DIRAS1: variants seen among roughly 807,000 people sequenced by gnomAD.
DIRAS1 encodes the protein DIRAS family GTPase 1, also known as GTP-binding protein Di-Ras1.
A neutral mutation model predicts 11.5 loss-of-function variants in DIRAS1; 3 were observed. That is an observed-to-expected ratio of 0.26 (90% CI 0.12 to 0.67). DIRAS1 has a LOEUF of 0.67. DIRAS1 is among the 30% of genes least tolerant of loss of function. The pLI is 0.80. For missense variants in DIRAS1, 212 were observed against 285.3 expected (o/e 0.74, Z 1.85); for synonymous variants, 128 against 125.8 (o/e 1.02, Z -0.12).
intron 1 of DIRAS1, among the ~76,000 whole-genome samples, chr19:2,719,780 G>A (rs1303493109): frequency 6.6e-6 from 1 of 152,134 alleles, no homozygotes; most frequent in Non-Finnish European, 1.5e-5. Context: ...TGTGAAATGC[G>A]AGCCACTGTT....
At position 2,715,025 on chromosome 19, in the gene DIRAS1, C is replaced by G. The variant is rs1335876061; in HGVS notation, c.*2185G>C. 6.6e-6 allele frequency: 1 copy of G among 152,548 alleles called. No individual in the cohort carries two copies. The highest frequency in any genetic ancestry group is 1.5e-5 in the Non-Finnish European group (1 of 68,114). 9.4% of individuals were successfully genotyped at this position (152,548 alleles called of 1,614,324 possible). A position where few individuals can be genotyped will look rare whatever the true frequency, so the allele number is the denominator to read the frequency against. On this transcript the variant is annotated 3_prime_UTR_variant, in exon 2 of 2. Transcript: ENST00000323469. ...GCCCAAGTTTTGGGGGGACCCAGCT[C>G]TGCTCAGACACAATGCCAGCTCTTC...
At chr19:2,719,007 G>A (rs1913892720) in intron 1 of DIRAS1, 1 of 152,080 alleles carries the variant, frequency 6.6e-6, no homozygotes, top group Non-Finnish European at 1.5e-5. Flanking sequence ...TTTCAGTAGA[G>A]ACGGGGTTTC....
In DIRAS1 at chr19:2,718,038, T is replaced by G; in HGVS notation, c.-69-163A>C. The G allele has an allele frequency of 1.7e-6, 1 of 579,808 alleles. No homozygotes were observed. The highest frequency in any genetic ancestry group is 2.2e-5 in the South Asian group (1 of 44,532). The allele number at this position is 579,808 out of a possible 1,614,324, so 35.9% of individuals were successfully genotyped here. ...TTGCTTGTGGCTGACTTTGCAGTTC[T>G]GTCCCACAGGCGGGCGCACAGCCAA... On this transcript the variant is annotated intron_variant, in intron 1 of 1. Coordinates refer to ENST00000323469, the MANE Select transcript of DIRAS1 (RefSeq NM_145173.4). The surrounding 1 kb of genome is among the most constrained non-coding windows in gnomAD (Gnocchi z 4.2).
In DIRAS1 at chr19:2,717,229, C is replaced by T. The variant is rs1209568837; in HGVS notation, c.578G>A (p.Gly193Asp). ...CCGGGCTCACATGAGGGTGCATTTG[C>T]CCTTGACGCGGTCTGTCCTCTTCTG... ...GKQKRTDRVK[G>D]KCTLM The change falls in exon 2 of 2, where the codon GGC becomes GAC. Residue 193 changes from glycine to aspartate, a missense_variant. By Grantham distance (94) the Gly-to-Asp change is moderately conservative. Coordinates refer to ENST00000323469, the MANE Select transcript of DIRAS1 (RefSeq NM_145173.4). The T allele has an allele frequency of 3.0e-5, 48 of 1,594,794 alleles. No individual in the cohort carries two copies. Among genetic ancestry groups the T allele is most frequent in the Non-Finnish European group, 3.5e-5 (41 of 1,167,368 alleles).
chr19:2,719,820 G>A (rs113288487), intron 1 of DIRAS1, among the ~76,000 whole-genome samples: 6 of 152,322 alleles, frequency 3.9e-5, no homozygotes, highest in African/African-American at 1.4e-4. Flanking sequence ...GGTGGAGAAA[G>A]GCCCTAGGCA....
chr19:2,715,569 T>C lies in DIRAS1; in HGVS notation c.*1641A>G, dbSNP rs969272302. 6.6e-6 allele frequency: 1 copy of C among 152,192 alleles called. No homozygotes were observed. The highest frequency in any genetic ancestry group is 2.4e-5 in the African/African-American group (1 of 41,438). 9.4% of individuals were successfully genotyped at this position (152,192 alleles called of 1,614,324 possible). ...GACCTCTGCCTGGCGAATGCTTTGA[T>C]TGCAGCCTCCTGAGATCCCAAGTAG... is the stretch of plus-strand genomic sequence containing the variant. On this transcript the variant is annotated 3_prime_UTR_variant, in exon 2 of 2. Transcript: ENST00000323469.
rs776364121 is a variant in DIRAS1, at chr19:2,717,276, G to A, written c.531C>T (p.Ile177=). 9 of 1,611,574 alleles carry A rather than the reference G, an allele frequency of 5.6e-6. No individual in the cohort carries two copies. The South Asian group carries it at 7.7e-5, about 14-fold the overall frequency. ...LETRRNMSLN[I]DGKRSGKQKR... ...TCTGCTTCCCGGAGCGCTTGCCGTC[G>A]ATGTTGAGGCTCATGTTCCGGCGCG... The change falls in exon 2 of 2, where the codon ATC becomes ATT. Residue 177 remains isoleucine (I), a synonymous_variant. Transcript: ENST00000323469.
Position 2,715,508 on chromosome 19 carries a change from A to C in DIRAS1, c.*1702T>G, listed in dbSNP as rs1408125341. The C allele has an allele frequency of 6.6e-6, 1 of 152,230 alleles. No individual in the cohort carries two copies. Among genetic ancestry groups the C allele is most frequent in the Non-Finnish European group, 1.5e-5 (1 of 68,044 alleles). 9.4% of individuals were successfully genotyped at this position (152,230 alleles called of 1,614,324 possible). A position where few individuals can be genotyped will look rare whatever the true frequency, so the allele number is the denominator to read the frequency against. ...GCTGCAACAACCACATGAGCTTCTA[A>C]GAAGCAAATCCTTCCCCGATCAGGC... On this transcript the variant is annotated 3_prime_UTR_variant, in exon 2 of 2. Coordinates refer to ENST00000323469, the MANE Select transcript of DIRAS1 (RefSeq NM_145173.4).
At position 2,717,462 on chromosome 19, in the gene DIRAS1, G is replaced by A. The variant is rs151333829; in HGVS notation, c.345C>T (p.Pro115=). The A allele has an allele frequency of 5.0e-6, 8 of 1,610,972 alleles. No individual in the cohort carries two copies. Among genetic ancestry groups the A allele is most frequent in the African/African-American group, 1.3e-5 (1 of 75,048 alleles). ...VQIKGSVEDI[P]VMLVGNKCDE... is the part of the protein sequence containing the mutation. ...CGCACTTGTTGCCCACGAGCATCAC[G>A]GGGATGTCCTCCACGCTGCCCTTGA... Residue 115 remains proline (P), a synonymous_variant, in exon 2 of 2, where the codon CCC becomes CCT. Transcript: ENST00000323469.
Position 2,717,674 on chromosome 19 carries a change from G to A in DIRAS1, c.133C>T (p.Arg45Trp), listed in dbSNP as rs1177072215. 1.9e-6 allele frequency: 3 copies of A among 1,612,714 alleles called. No individual in the cohort carries two copies. Among genetic ancestry groups the A allele is most frequent in the Non-Finnish European group, 1.7e-6 (2 of 1,180,012 alleles). Residue 45 changes from arginine to tryptophan, a missense_variant, in exon 2 of 2, where the codon CGG becomes TGG. Physicochemically the swap from Arg to Trp is moderately radical, Grantham distance 101. This residue lies in a region of DIRAS1 where 128 missense variants were observed against 205.3 expected (regional missense o/e 0.62). Coordinates refer to ENST00000323469, the MANE Select transcript of DIRAS1 (RefSeq NM_145173.4). The stretch of plus-strand genomic sequence containing the variant: ...CTCTTGTCGCAGCTGATCACCTGCC[G>A]GTAGGTGTCCTCGATGGTGGGGATG... Reference protein sequence around the residue: ...TYIPTIEDTYRQVISCDKSVC... With the variant: ...TYIPTIEDTYWQVISCDKSVC...
intron 1 of DIRAS1, among the ~76,000 whole-genome samples, chr19:2,719,651 T>C (rs1408924564): frequency 1.4e-5 from 2 of 147,474 alleles, no homozygotes; most frequent in Admixed American, 6.7e-5. Context: ...GGAACCAGTT[T>C]CTACCTGCTG....
chr19:2,720,854 C>A (rs1366652136), intron 1 of DIRAS1, among the ~76,000 whole-genome samples: 1 of 151,902 alleles, frequency 6.6e-6, no homozygotes, highest in Non-Finnish European at 1.5e-5. Flanking sequence ...CAGTGCGGGG[C>A]CAGCCCAGGG....
At position 2,717,796 on chromosome 19, in the gene DIRAS1, T is replaced by C. The variant is rs1913859669; in HGVS notation, c.11A>G (p.Gln4Arg). MPE[Q>R]SNDYRVVVFG... ...CACCACCACGCGGTAATCGTTACTC[T>C]GTTCCGGCATCTTCCCCGCGGCGGG... Residue 4 changes from glutamine to arginine, a missense_variant, in exon 2 of 2, where the codon CAG becomes CGG. Coordinates refer to ENST00000323469, the MANE Select transcript of DIRAS1 (RefSeq NM_145173.4). The C allele has an allele frequency of 6.3e-7, 1 of 1,592,454 alleles. No homozygotes were observed. Among genetic ancestry groups the C allele is most frequent in the Non-Finnish European group, 8.5e-7 (1 of 1,173,542 alleles).
At position 2,716,996 on chromosome 19, in the gene DIRAS1, A is replaced by C; in HGVS notation, c.*214T>G. 1 of 582,440 alleles carries C rather than the reference A, an allele frequency of 1.7e-6. No individual in the cohort carries two copies. The highest frequency in any genetic ancestry group is 3.0e-6 in the Non-Finnish European group (1 of 330,396). 36.1% of individuals were successfully genotyped at this position (582,440 alleles called of 1,614,324 possible). A position where few individuals can be genotyped will look rare whatever the true frequency, so the allele number is the denominator to read the frequency against. On this transcript the variant is annotated 3_prime_UTR_variant, in exon 2 of 2. Transcript: ENST00000323469. ...TGGTTTTGGAGGGTACAGACAGAACAGGAGGGTGGAGAGAGAGCAGGGGAG... is the reference window on the plus strand; with the variant it reads ...TGGTTTTGGAGGGTACAGACAGAACCGGAGGGTGGAGAGAGAGCAGGGGAG...
At chr19:2,720,578 C>T (rs1351527721) in intron 1 of DIRAS1, among the ~76,000 whole-genome samples, 1 of 152,216 alleles carries the variant, frequency 6.6e-6, no homozygotes, top group Non-Finnish European at 1.5e-5. Flanking sequence ...CGGGGCAGCC[C>T]ACCCCCAGAC....
rs750069939 is a variant in DIRAS1 at position 2,717,872 on chromosome 19, G to T, written c.-66C>A. 6.8e-7 allele frequency: 1 copy of T among 1,481,450 alleles called. No individual in the cohort carries two copies. 91.8% of individuals were successfully genotyped at this position (1,481,450 alleles called of 1,614,324 possible). A position where few individuals can be genotyped will look rare whatever the true frequency, so the allele number is the denominator to read the frequency against. ...GTGCCAGCTGCAAGAACCCCAGACC[G>T]AGCCTGTGCAGAGAGGAGGGTCACA... On this transcript the variant is annotated 5_prime_UTR_variant, in exon 2 of 2. Transcript: ENST00000323469.
rs1350213752 is a variant in DIRAS1 at position 2,717,260 on chromosome 19, C to T, written c.547G>A (p.Gly183Arg). ...MSLNIDGKRS[G>R]KQKRTDRVKG... ...ACGCGGTCTGTCCTCTTCTGCTTCC[C>T]GGAGCGCTTGCCGTCGATGTTGAGG... Residue 183 changes from glycine (G) to arginine (R), a missense_variant, in exon 2 of 2, where the codon GGG (glycine) becomes AGG (arginine). Coordinates refer to ENST00000323469, the MANE Select transcript of DIRAS1 (RefSeq NM_145173.4). 1.9e-6 allele frequency: 3 copies of T among 1,610,374 alleles called. No individual in the cohort carries two copies. The highest frequency in any genetic ancestry group is 2.5e-6 in the Non-Finnish European group (3 of 1,178,528).
Position 2,718,276 on chromosome 19 carries a change from C to T in DIRAS1, c.-69-401G>A, listed in dbSNP as rs1477920796. 1.3e-5 allele frequency among the ~76,000 whole-genome samples: 2 copies of T among 152,156 alleles called. No homozygotes were observed. Among genetic ancestry groups the T allele is most frequent in the African/African-American group, 2.4e-5 (1 of 41,440 alleles). On this transcript the variant is annotated intron_variant, in intron 1 of 1. Transcript: ENST00000323469. This position sits in a 1 kb window ranked among gnomAD's most constrained non-coding sequence, Gnocchi z 4.2. ...GGCCTGGCTTCCACCTCTCGCTCCACACCTGCCTGGCTCTGAGACCTTGCC... is the reference window on the plus strand; with the variant it reads ...GGCCTGGCTTCCACCTCTCGCTCCATACCTGCCTGGCTCTGAGACCTTGCC...
In DIRAS1 at chr19:2,718,487, C is replaced by T. The variant is rs1913879848; in HGVS notation, c.-69-612G>A. 1.3e-5 allele frequency among the ~76,000 whole-genome samples: 2 copies of T among 152,224 alleles called. No individual in the cohort carries two copies. Among genetic ancestry groups the T allele is most frequent in the Admixed American group, 1.3e-4 (2 of 15,280 alleles). The stretch of plus-strand genomic sequence containing the variant: ...GGTGTGATGAATCGGTCGGCCAGGG[C>T]AACGGCCCTGGGAACTCGTATTTTA... On this transcript the variant is annotated intron_variant, in intron 1 of 1. Coordinates refer to ENST00000323469, the MANE Select transcript of DIRAS1 (RefSeq NM_145173.4). The surrounding 1 kb of genome is among the most constrained non-coding windows in gnomAD (Gnocchi z 4.2).
Sources: gnomAD v4.1 joint callset for allele counts (sites outside exome capture counted in the v4.1 genomes callset) on GRCh38, gnomAD v4.1.1 for gene constraint, gnomAD v4.1.1 regional missense constraint, Gnocchi (gnomAD v3.1) non-coding constraint, MANE v1.5 for transcripts, NCBI Gene and HGNC (gene_info 2026-07-23, HGNC 2026-07-21) for gene names.